IL1RAPL1: variants seen among roughly 807,000 people sequenced by gnomAD.
The protein encoded by IL1RAPL1 is interleukin-1 receptor accessory protein-like 1.
IL1RAPL1 carries 3 observed loss-of-function variants against 48.4 expected under a neutral mutation model. The ratio of observed to expected loss-of-function variants is 0.06; its 90% confidence interval spans 0.03 to 0.16. The LOEUF is 0.16. IL1RAPL1 is among the 10% of genes least tolerant of loss of function. IL1RAPL1 has a pLI of 1.00. For missense variants in IL1RAPL1, 349 were observed against 530.6 expected (o/e 0.66, Z 3.36); for synonymous variants, 185 against 187.7 (o/e 0.99, Z 0.12).
chrX:28,943,687 C>CA (rs1204291510), intron 2 of IL1RAPL1, among the ~76,000 whole-genome samples: 2 of 109,463 alleles, frequency 1.8e-5, no homozygotes, highest in Non-Finnish European at 3.8e-5. Context: ...GTTTTAATGA[C>CA]AAAAAAATGA....
At chrX:28,836,747 GCATCATCATCGT>G (rs1214542840) in intron 2 of IL1RAPL1, among the ~76,000 whole-genome samples, 2 of 109,721 alleles carry the variant, frequency 1.8e-5, no homozygotes, top group African/African-American at 6.6e-5. Flanking sequence ...GTCATCATCG[GCATCATCATCGT>G]CATCATCATC....
At chrX:28,767,286 T>A (rs1382248034) in intron 1 of IL1RAPL1, among the ~76,000 whole-genome samples, 1 of 111,478 alleles carries the variant, frequency 9.0e-6, no homozygotes, top group Non-Finnish European at 1.9e-5. Flanking sequence ...TGACACATGC[T>A]TGACTTTAGT....
chrX:28,870,427 T>C (rs1416491054), intron 2 of IL1RAPL1, among the ~76,000 whole-genome samples: 1 of 111,751 alleles, frequency 8.9e-6, no homozygotes, highest in Non-Finnish European at 1.9e-5. Flanking sequence ...AGGTATTTCC[T>C]GATTTCTTTT....
chrX:28,615,603 A>G (rs1028211427), intron 1 of IL1RAPL1, among the ~76,000 whole-genome samples: 13 of 111,149 alleles, frequency 1.2e-4, no homozygotes, highest in African/African-American at 3.6e-4. Flanking sequence ...TGTGAAGCCA[A>G]CAGCTCAGCC....
intron 1 of IL1RAPL1, among the ~76,000 whole-genome samples, chrX:28,619,415 T>C (rs1359938725): frequency 2.8e-5 from 3 of 108,576 alleles, no homozygotes; most frequent in Non-Finnish European, 5.7e-5. Flanking sequence ...GGTAACATGG[T>C]GAAACCCCAT....
intron 5 of IL1RAPL1, among the ~76,000 whole-genome samples, chrX:29,653,814 T>A (rs1250854435): frequency 1.8e-5 from 2 of 111,179 alleles, no homozygotes; most frequent in East Asian, 5.6e-4. Flanking sequence ...ACAATTAGTA[T>A]AAACAGAGAA....
chrX:28,945,887 GTA>G (rs748338390), intron 2 of IL1RAPL1, among the ~76,000 whole-genome samples: 1,208 of 58,373 alleles, frequency 0.021, 13 homozygotes, highest in African/African-American at 0.034. Flanking sequence ...ATATATGTAT[GTA>G]TATATATATA....
chrX:29,603,036 CG>C (rs990674087), intron 5 of IL1RAPL1, among the ~76,000 whole-genome samples: 4 of 111,386 alleles, frequency 3.6e-5, no homozygotes, highest in African/African-American at 1.3e-4. Flanking sequence ...GAGGCCGAGG[CG>C]GGTGGATCAC....
intron 2 of IL1RAPL1, among the ~76,000 whole-genome samples, chrX:29,258,074 G>A (rs1201586061): frequency 1.8e-5 from 2 of 110,752 alleles, no homozygotes; most frequent in Admixed American, 1.9e-4. Flanking sequence ...TTCAATGATA[G>A]CACTTTACAG....
chrX:28,893,678 T>C (rs983405762), intron 2 of IL1RAPL1, among the ~76,000 whole-genome samples: 2 of 111,292 alleles, frequency 1.8e-5, no homozygotes, highest in Non-Finnish European at 3.8e-5. Context: ...GAATAGCAGA[T>C]GGAACACTGA....
intron 1 of IL1RAPL1, among the ~76,000 whole-genome samples, chrX:28,750,947 C>T (rs1052348569): frequency 2.7e-5 from 3 of 111,842 alleles, no homozygotes; most frequent in African/African-American, 9.7e-5. Context: ...TGTCTTAGCA[C>T]TTGGGATAAT....
chrX:29,152,818 G>A (rs1446994717), intron 2 of IL1RAPL1, among the ~76,000 whole-genome samples: 11 of 112,138 alleles, frequency 9.8e-5, no homozygotes, highest in Non-Finnish European at 1.5e-4. Context: ...GTTCAGTTAC[G>A]ATATTTGGTA....
intron 1 of IL1RAPL1, among the ~76,000 whole-genome samples, chrX:28,617,319 A>T (rs1934232189): frequency 9.0e-6 from 1 of 111,417 alleles, no homozygotes; most frequent in Non-Finnish European, 1.9e-5. Context: ...GCTGTCATTG[A>T]CAAGTCCCTA....
chrX:28,706,939 C>T (rs1935381115), intron 1 of IL1RAPL1, among the ~76,000 whole-genome samples: 1 of 112,086 alleles, frequency 8.9e-6, no homozygotes, highest in Admixed American at 9.5e-5. Flanking sequence ...AAATGACTGT[C>T]TTCATAAATA....
intron 2 of IL1RAPL1, among the ~76,000 whole-genome samples, chrX:28,791,393 C>T (rs1464348562): frequency 9.0e-6 from 1 of 111,484 alleles, no homozygotes; most frequent in Non-Finnish European, 1.9e-5. Context: ...TTCTAGAAAA[C>T]GTCATTGTTG....
At chrX:29,669,830 A>G (rs754941903) in intron 6 of IL1RAPL1, among the ~76,000 whole-genome samples, 1 of 111,921 alleles carries the variant, frequency 8.9e-6, no homozygotes, top group Admixed American at 9.5e-5. Flanking sequence ...CTCAAATTTT[A>G]TCATGCACTT....
chrX:29,843,298 A>G (rs1173702485), intron 6 of IL1RAPL1, among the ~76,000 whole-genome samples: 2 of 112,306 alleles, frequency 1.8e-5, no homozygotes, highest in African/African-American at 6.5e-5. Context: ...GGGCCTTAGT[A>G]GTATAAAATA....
At chrX:28,888,914 T>G (rs1327241399) in intron 2 of IL1RAPL1, among the ~76,000 whole-genome samples, 2 of 111,195 alleles carry the variant, frequency 1.8e-5, no homozygotes, top group East Asian at 5.7e-4. Flanking sequence ...ATTACCTGTT[T>G]CCCAAAGAAT....
chrX:29,927,055 A>C (rs932742031), intron 8 of IL1RAPL1, among the ~76,000 whole-genome samples: 1 of 112,272 alleles, frequency 8.9e-6, no homozygotes, highest in Admixed American at 9.5e-5. Flanking sequence ...TTCCATGCTT[A>C]GAGAGTCAGC....
Sources: gnomAD v4.1 joint callset for allele counts (sites outside exome capture counted in the v4.1 genomes callset) on GRCh38, gnomAD v4.1.1 for gene constraint, MANE v1.5 for transcripts, NCBI Gene and HGNC (gene_info 2026-07-23, HGNC 2026-07-21) for gene names.